Variants in TCF7 observed in about 807,000 individuals in gnomAD.
The protein encoded by TCF7 is T-cell-factor-7.
In TCF7, 19 loss-of-function variants were observed where a neutral mutation model predicts 46.8. The observed-to-expected ratio is 0.41, with a 90% CI of 0.28 to 0.60. The LOEUF (loss-of-function observed/expected upper bound fraction) is 0.60. TCF7 is among the 20% of genes least tolerant of loss of function. TCF7 has a pLI of 0.35. For synonymous variants in TCF7, 245 were observed against 213.4 expected (o/e 1.15, Z -1.29); for missense variants, 547 against 504.6 (o/e 1.08, Z -0.81).
intron 3 of TCF7, among the ~76,000 whole-genome samples, chr5:134,128,078 A>C (rs1218798410): frequency 1.3e-5 from 2 of 152,010 alleles, no homozygotes; most frequent in Non-Finnish European, 2.9e-5. Context: ...CAGACATCTG[A>C]CTCGGCGTTC....
upstream of TCF7, among the ~76,000 whole-genome samples, chr5:134,109,803 G>T (rs1755308067): frequency 6.8e-6 from 1 of 147,174 alleles, no homozygotes; most frequent in Non-Finnish European, 1.5e-5. Context: ...GAACTTAGAG[G>T]CATCTGCAGC....
intron 3 of TCF7, among the ~76,000 whole-genome samples, chr5:134,133,610 G>A (rs895647720): frequency 2.6e-5 from 4 of 152,104 alleles, no homozygotes; most frequent in African/African-American, 9.7e-5. Context: ...TCCTACCACC[G>A]GGCGCAAAGC....
intron 9 of TCF7, chr5:134,145,412 G>C (rs556468033): frequency 4.1e-5 from 23 of 564,148 alleles, no homozygotes; most frequent in Admixed American, 7.7e-5. Flanking sequence ...GAGGACCCAG[G>C]GGGTACCCTG....
At chr5:134,128,772 C>A (rs374916840) in intron 3 of TCF7, among the ~76,000 whole-genome samples, 1 of 152,106 alleles carries the variant, frequency 6.6e-6, no homozygotes, top group Admixed American at 6.6e-5. Flanking sequence ...GTGGCGAGAG[C>A]ACCCCAGCCT....
At chr5:134,136,164 G>A (rs1365790004) in intron 3 of TCF7, among the ~76,000 whole-genome samples, 5 of 152,276 alleles carry the variant, frequency 3.3e-5, no homozygotes, top group African/African-American at 1.2e-4. Flanking sequence ...GGTAGCTGGG[G>A]GAGGATTTAG....
intron 3 of TCF7, 90 bp downstream of exon 3, chr5:134,116,123 C>G (rs1467629586): frequency 1.3e-6 from 2 of 1,490,014 alleles, no homozygotes; most frequent in Non-Finnish European, 1.8e-6. Context: ...CTGCCTGGAA[C>G]AAAATAGACG....
At chr5:134,131,056 T>C (rs1758051876) in intron 3 of TCF7, among the ~76,000 whole-genome samples, 1 of 152,126 alleles carries the variant, frequency 6.6e-6, no homozygotes, top group South Asian at 2.1e-4. Context: ...CTCATTTATG[T>C]GAGTCCTGAA....
At chr5:134,138,740 G>C in intron 4 of TCF7, 1 of 690,210 alleles carries the variant, frequency 1.4e-6, no homozygotes, top group East Asian at 2.8e-5. Flanking sequence ...TCTTAGGCAA[G>C]TCACCCCAGC....
At chr5:134,116,102 G>C (rs769052645) in intron 3 of TCF7, 69 bp downstream of exon 3, 1 of 1,528,264 alleles carries the variant, frequency 6.5e-7, no homozygotes, top group Admixed American at 2.2e-5. Flanking sequence ...TGAGGCACCG[G>C]CAAGAGACTT....
intron 3 of TCF7, chr5:134,123,814 C>T (rs539331960): frequency 2.7e-4 from 123 of 456,116 alleles, no homozygotes; most frequent in Admixed American, 2.6e-3. Flanking sequence ...CGGACAAAGG[C>T]GGGGAGAGCC....
chr5:134,110,889 C>T (rs1363710530), upstream of TCF7, among the ~76,000 whole-genome samples: 1 of 152,226 alleles, frequency 6.6e-6, no homozygotes, highest in Non-Finnish European at 1.5e-5. Context: ...CAGCTCTAGC[C>T]ATGATTAAGT....
At chr5:134,115,750 C>G (rs1432011116) in intron 2 of TCF7, 159 bp from the exon 3 acceptor site, 6 of 1,458,478 alleles carry the variant, frequency 4.1e-6, no homozygotes, top group Non-Finnish European at 5.4e-6. Flanking sequence ...CAGGTCCTTC[C>G]CCTAAAACTT....
upstream of TCF7, among the ~76,000 whole-genome samples, chr5:134,111,973 T>C (rs1194564634): frequency 2.0e-5 from 3 of 152,180 alleles, no homozygotes; most frequent in East Asian, 5.8e-4. Context: ...AATGAGATAA[T>C]GTGTGTGAAG....
Position 134,115,013 on chromosome 5 carries a change from A to G in TCF7, c.107A>G (p.Lys36Arg), listed in dbSNP as rs1755603418. ...FQDEGEEQDD[K>R]SRDSAAGPER... Reference sequence around the variant, plus strand: ...GATGAAGGCGAGGAGCAGGACGACAAGAGCCGCGACAGCGCCGCCGGTCCC... The same window carrying G: ...GATGAAGGCGAGGAGCAGGACGACAGGAGCCGCGACAGCGCCGCCGGTCCC... The change falls in exon 1 of 10, where the codon AAG (lysine) becomes AGG (arginine). Residue 36 changes from lysine to arginine, a missense_variant. Lys to Arg is a conservative substitution (Grantham distance 26). Around this residue, in one of 3 missense-constraint regions of TCF7, gnomAD observed 425 missense variants for 349.9 expected, o/e 1.21. Transcript: ENST00000342854. 2 of 1,255,024 alleles carry G rather than the reference A, an allele frequency of 1.6e-6. No individual in the cohort carries two copies. The highest frequency in any genetic ancestry group is 2.1e-6 in the Non-Finnish European group (2 of 975,120). 77.7% of individuals were successfully genotyped at this position (1,255,024 alleles called of 1,614,324 possible).
At chr5:134,145,959 C>T in intron 9 of TCF7, 1 of 1,478,318 alleles carries the variant, frequency 6.8e-7, no homozygotes, top group Non-Finnish European at 8.9e-7. Flanking sequence ...GGAGAGATGA[C>T]TCCCTTGGAA....
intron 5 of TCF7, 104 bp downstream of exon 5, chr5:134,139,142 G>A: frequency 6.7e-7 from 1 of 1,501,020 alleles, no homozygotes; most frequent in Non-Finnish European, 8.9e-7. Context: ...CCACCCTGCT[G>A]CCAGCTCTGT....
rs116358247 is a variant in TCF7 at position 134,136,504 on chromosome 5, C to T, written c.442-1555C>T. ...GAGGGGAAGGGTGAAGGCTGTAGCC[C>T]GGAGGCAGGAATGTGAGGAAAGATG... On this transcript the variant is annotated intron_variant, in intron 3 of 9. Coordinates refer to ENST00000342854, the MANE Select transcript of TCF7 (RefSeq NM_003202.5). Among the ~76,000 whole-genome samples the T allele has an allele frequency of 3.6e-3, 548 of 152,128 alleles. 2 individuals carry two copies. The highest frequency in any genetic ancestry group is 0.013 in the African/African-American group (519 of 41,506).
intron 3 of TCF7, among the ~76,000 whole-genome samples, chr5:134,131,249 T>C (rs1758079050): frequency 6.6e-6 from 1 of 152,196 alleles, no homozygotes; most frequent in South Asian, 2.1e-4. Flanking sequence ...GGAAGGGCTG[T>C]GGGGCCACGA....
intron 6 of TCF7, 56 bp from the exon 7 acceptor site, chr5:134,142,665 T>G: frequency 6.3e-7 from 1 of 1,597,382 alleles, no homozygotes; most frequent in South Asian, 1.1e-5. Flanking sequence ...AGGAGGAGGC[T>G]GCAATTAGGT....
Sources: gnomAD v4.1 joint callset for allele counts (sites outside exome capture counted in the v4.1 genomes callset) on GRCh38, gnomAD v4.1.1 for gene constraint, gnomAD v4.1.1 regional missense constraint, MANE v1.5 for transcripts, NCBI Gene and HGNC (gene_info 2026-07-23, HGNC 2026-07-21) for gene names.